The following GMFG variants were observed in gnomAD, a reference collection of about 807,000 sequenced individuals.
The protein encoded by GMFG is glia maturation factor gamma.
A neutral mutation model predicts 26.1 loss-of-function variants in GMFG; 21 were observed. That is an observed-to-expected ratio of 0.80 (90% CI 0.57 to 1.16). The LOEUF (loss-of-function observed/expected upper bound fraction) is 1.16, where lower values mean the gene tolerates loss of function less well. GMFG is among the 50% of genes most tolerant of loss of function. GMFG has a pLI of 0.00. For missense variants in GMFG, 161 were observed against 178.3 expected (o/e 0.90, Z 0.55); for synonymous variants, 65 against 60.8 (o/e 1.07, Z -0.32).
chr19:39,332,333 CA>C (rs575743761), intron 4 of GMFG, among the ~76,000 whole-genome samples: 25,337 of 115,308 alleles, frequency 0.22, 2,930 homozygotes, highest in African/African-American at 0.39. Flanking sequence ...CTGTCTCTAA[CA>C]AAAAAAAAAA....
chr19:39,335,283 A>G lies in GMFG; in HGVS notation c.128T>C (p.Val43Ala). Residue 43 changes from valine (V) to alanine (A), a missense_variant, in exon 3 of 7, where the codon GTG (valine) becomes GCG (alanine). Val to Ala is a moderately conservative substitution (Grantham distance 64). Coordinates refer to ENST00000597595, the MANE Select transcript of GMFG (RefSeq NM_004877.4). ...CACCTGAAATTCTTCCTCCAGCACC[A>G]CCATCTGCCGGTCTTTGTCCACCTT... Reference protein sequence around the residue: ...IMKVDKDRQMVVLEEEFQNIS... With the variant: ...IMKVDKDRQMAVLEEEFQNIS... 6.4e-7 allele frequency: 1 copy of G among 1,563,538 alleles called. No individual in the cohort carries two copies.
At chr19:39,329,734 G>A (rs945524937) in intron 4 of GMFG, 108 bp from the exon 5 acceptor site, 2 of 733,804 alleles carry the variant, frequency 2.7e-6, no homozygotes, top group Non-Finnish European at 2.5e-6. Flanking sequence ...GAGAACCCAG[G>A]GTTGATGTCT....
At position 39,333,041 on chromosome 19, in the gene GMFG, C is replaced by T. The variant is rs773879884; in HGVS notation, c.200+36G>A. 8 of 1,494,828 alleles carry T rather than the reference C, an allele frequency of 5.4e-6. No individual in the cohort carries two copies. The Admixed American group carries it at 1.3e-4, about 25-fold the overall frequency. 92.6% of individuals were successfully genotyped at this position (1,494,828 alleles called of 1,614,324 possible). On this transcript the variant is annotated intron_variant, in intron 4 of 6. Coordinates refer to ENST00000597595, the MANE Select transcript of GMFG (RefSeq NM_004877.4). ...ATACCTCCAACATCACCCCTCCCCT[C>T]ATGGCCTGATCCAACCCTTTCTTCC...
At chr19:39,328,583 T>G in intron 6 of GMFG, 35 bp from the exon 7 acceptor site, 4 of 1,512,304 alleles carry the variant, frequency 2.6e-6, no homozygotes, top group Non-Finnish European at 3.7e-6. Flanking sequence ...TATGATCTAC[T>G]CAAACACTGA....
At chr19:39,335,645 G>A (rs1373037168) in intron 1 of GMFG, 114 bp from the exon 2 acceptor site, 2 of 783,260 alleles carry the variant, frequency 2.6e-6, no homozygotes, top group Non-Finnish European at 2.3e-6. Flanking sequence ...CCCATCTGAT[G>A]CCTTTGTGAA....
chr19:39,329,098 A>T (rs764637410), intron 5 of GMFG, 25 bp from the exon 6 acceptor site: 6 of 1,543,068 alleles, frequency 3.9e-6, no homozygotes, highest in Non-Finnish European at 5.4e-6. Context: ...GGAGAAAGGC[A>T]CATCAGTGGG....
At chr19:39,328,914 C>T in intron 6 of GMFG, 86 bp downstream of exon 6, 2 of 934,958 alleles carry the variant, frequency 2.1e-6, no homozygotes, top group South Asian at 1.3e-5. Flanking sequence ...ACCACTGAGA[C>T]AGTGAGGACT....
At chr19:39,333,715 A>T (rs1174562578) in intron 3 of GMFG, among the ~76,000 whole-genome samples, 5 of 152,056 alleles carry the variant, frequency 3.3e-5, no homozygotes. Flanking sequence ...TCCCATCATT[A>T]TGCCCACTAT....
At position 39,329,631 on chromosome 19, in the gene GMFG, C is replaced by G. The variant is rs568232274; in HGVS notation, c.201-5G>C. On this transcript the variant is annotated splice_region_variant and splice_polypyrimidine_tract_variant and intron_variant, in intron 4 of 6. Coordinates refer to ENST00000597595, the MANE Select transcript of GMFG (RefSeq NM_004877.4). Reference sequence around the variant, plus strand: ...TTGTAGCTGTAAACCACGAACCTACCGTGAAAGGGAATTGAAAATCAGGAC... The same window carrying G: ...TTGTAGCTGTAAACCACGAACCTACGGTGAAAGGGAATTGAAAATCAGGAC... 1 of 1,584,108 alleles carries G rather than the reference C, an allele frequency of 6.3e-7. No homozygotes were observed. Among genetic ancestry groups the G allele is most frequent in the Non-Finnish European group, 8.7e-7 (1 of 1,152,878 alleles).
At position 39,335,479 on chromosome 19, in the gene GMFG, C is replaced by T; in HGVS notation, c.56G>A (p.Arg19Lys). ...EVDPELTEKL[R>K]KFRFRKETDN... is the part of the protein sequence containing the mutation. ...TGTCTCTTTTCGGAAGCGGAATTTC[C>T]TCAGCTTTTCTGTTAGCTCTGGGTC... Residue 19 changes from arginine (R) to lysine (K), a missense_variant, in exon 2 of 7, where the codon AGG becomes AAG. Coordinates refer to ENST00000597595, the MANE Select transcript of GMFG (RefSeq NM_004877.4). The T allele has an allele frequency of 6.2e-7, 1 of 1,613,996 alleles. No homozygotes were observed. The highest frequency in any genetic ancestry group is 8.5e-7 in the Non-Finnish European group (1 of 1,179,864).
intron 3 of GMFG, among the ~76,000 whole-genome samples, chr19:39,334,182 A>G (rs1178235126): frequency 6.6e-6 from 1 of 151,774 alleles, no homozygotes; most frequent in African/African-American, 2.4e-5. Context: ...ACACCCAGCT[A>G]ATTTTTTGAA....
chr19:39,332,314 A>G (rs983645364), intron 4 of GMFG, among the ~76,000 whole-genome samples: 2 of 148,114 alleles, frequency 1.4e-5, no homozygotes, highest in Admixed American at 1.4e-4. Context: ...TGGGCAACAG[A>G]GCGAGACTCT....
intron 4 of GMFG, 21 bp downstream of exon 4, chr19:39,333,055 AC>A: frequency 6.4e-7 from 1 of 1,571,952 alleles, no homozygotes; most frequent in Non-Finnish European, 8.7e-7. Context: ...GCCTGATCCA[AC>A]CCTTTCTTCC....
At chr19:39,334,165 C>G (rs565728685) in intron 3 of GMFG, among the ~76,000 whole-genome samples, 1 of 151,566 alleles carries the variant, frequency 6.6e-6, no homozygotes, top group South Asian at 2.1e-4. Flanking sequence ...TACAGGCACC[C>G]GCCACCACAC....
chr19:39,335,937 A>G, intron 1 of GMFG, 37 bp downstream of exon 1: 1 of 1,268,206 alleles, frequency 7.9e-7, no homozygotes, highest in Non-Finnish European at 1.2e-6. Context: ...CCCCAACCCC[A>G]GCCCCAGCTC....
In GMFG at chr19:39,329,585, C is replaced by T. The variant is rs779145008; in HGVS notation, c.242G>A (p.Arg81Gln). The change falls in exon 5 of 7, where the codon CGA becomes CAA. Residue 81 changes from arginine to glutamine, a missense_variant. Physicochemically the swap from Arg to Gln is conservative, Grantham distance 43. Coordinates refer to ENST00000597595, the MANE Select transcript of GMFG (RefSeq NM_004877.4). ...YSYKYVHDDG[R>Q]VSYPLCFIFS... ...GATGAAACACAAAGGGTAGGACACT[C>T]GGCCATCGTCATGCACGTACTTGTA... The T allele has an allele frequency of 8.1e-6, 13 of 1,611,288 alleles. No individual in the cohort carries two copies. The highest frequency in any genetic ancestry group is 5.0e-5 in the Admixed American group (3 of 59,954).
intron 4 of GMFG, 87 bp from the exon 5 acceptor site, chr19:39,329,713 T>G: frequency 1.2e-6 from 1 of 828,870 alleles, no homozygotes; most frequent in Non-Finnish European, 2.1e-6. Context: ...CTTGAAATGT[T>G]GGCTGAGTCT....
rs367846258 is a variant in GMFG, at chr19:39,329,075, T to C, written c.284-2A>G. The C allele has an allele frequency of 2.5e-5, 41 of 1,611,444 alleles. No homozygotes were observed. Among genetic ancestry groups the C allele is most frequent in the Non-Finnish European group, 3.5e-5 (41 of 1,177,714 alleles). On this transcript the variant is annotated splice_acceptor_variant, in intron 5 of 6. Coordinates refer to ENST00000597595, the MANE Select transcript of GMFG (RefSeq NM_004877.4). LOFTEE classifies it high-confidence loss of function. ...TCATCTGTTGTTCCGGCTTGCAGCC[T>C]GCGTGGAAAAGAGGAGAAAGGCACA...
At chr19:39,333,880 C>A (rs954198997) in intron 3 of GMFG, among the ~76,000 whole-genome samples, 1 of 152,066 alleles carries the variant, frequency 6.6e-6, no homozygotes, top group Non-Finnish European at 1.5e-5. Context: ...AGCCCCCAGT[C>A]TCCATGGATT....
Sources: gnomAD v4.1 joint callset for allele counts (sites outside exome capture counted in the v4.1 genomes callset) on GRCh38, gnomAD v4.1.1 for gene constraint, MANE v1.5 for transcripts, NCBI Gene and HGNC (gene_info 2026-07-23, HGNC 2026-07-21) for gene names.